The following PTPRU variants were observed in gnomAD, a reference collection of about 807,000 sequenced individuals.
The protein encoded by PTPRU is receptor-type tyrosine-protein phosphatase U.
A neutral mutation model predicts 166.3 loss-of-function variants in PTPRU; 69 were observed. That is an observed-to-expected ratio of 0.41 (90% CI 0.34 to 0.51). The LOEUF is 0.51. Ranked by LOEUF, PTPRU falls within the 20% of genes least tolerant of loss-of-function variation. The pLI is 0.09. For synonymous variants in PTPRU, 793 were observed against 814.0 expected (o/e 0.97, Z 0.44); for missense variants, 1,657 against 2,013.7 (o/e 0.82, Z 3.39).
chr1:29,275,405 C>T, intron 7 of PTPRU, 43 bp from the exon 8 acceptor site: 2 of 1,528,426 alleles, frequency 1.3e-6, no homozygotes, highest in Admixed American at 1.8e-5. Flanking sequence ...TCTTCTCTTC[C>T]CATTTCTTCT....
chr1:29,279,440 C>T lies in PTPRU; in HGVS notation c.1564-16C>T. Reference sequence around the variant, plus strand: ...TGACCATCCAGTGCCCACCTGCCTGCCAATCCTGCCCCCAGATCAGCTACC... The same window carrying T: ...TGACCATCCAGTGCCCACCTGCCTGTCAATCCTGCCCCCAGATCAGCTACC... On this transcript the variant is annotated splice_polypyrimidine_tract_variant and intron_variant, in intron 9 of 29. Coordinates refer to ENST00000373779, the MANE Select transcript of PTPRU (RefSeq NM_133178.4). The surrounding 1 kb of genome is among the most constrained non-coding windows in gnomAD (Gnocchi z 5.2). 1 of 1,612,924 alleles carries T rather than the reference C, an allele frequency of 6.2e-7. No homozygotes were observed. The highest frequency in any genetic ancestry group is 8.5e-7 in the Non-Finnish European group (1 of 1,179,002).
Position 29,313,780 on chromosome 1 carries a change from G to A in PTPRU, c.3227+1074G>A, listed in dbSNP as rs973957414. ...TGAGGTGGGAAGTTTGTTTGAGTAT[G>A]GGAGTTCCAGGTTACAGTAAACTGT... is the stretch of plus-strand genomic sequence containing the variant. On this transcript the variant is annotated intron_variant, in intron 22 of 29. Coordinates refer to ENST00000373779, the MANE Select transcript of PTPRU (RefSeq NM_133178.4). 3.4e-4 allele frequency among the ~76,000 whole-genome samples: 52 copies of A among 152,306 alleles called. No homozygotes were observed. In the Middle Eastern group the frequency reaches 0.014, roughly 40 times the overall value.
At chr1:29,284,031 C>T (rs1032653302) in intron 13 of PTPRU, 55 bp downstream of exon 13, 39 of 1,603,282 alleles carry the variant, frequency 2.4e-5, no homozygotes, top group Middle Eastern at 2.1e-4. Flanking sequence ...ACCTGCCCAG[C>T]GCTGGGGAGG....
chr1:29,289,705 T>C (rs1686532789), intron 14 of PTPRU: 1 of 1,614,014 alleles, frequency 6.2e-7, no homozygotes, highest in Non-Finnish European at 8.5e-7. Flanking sequence ...TGCCTACTCC[T>C]ACTACCCGTA....
chr1:29,287,276 A>G (rs1686398340), intron 14 of PTPRU, among the ~76,000 whole-genome samples: 1 of 152,050 alleles, frequency 6.6e-6, no homozygotes, highest in African/African-American at 2.4e-5. Flanking sequence ...GCCAGGTCAG[A>G]TCCCCTGGCT....
At chr1:29,248,717 CACTG>C (rs1314675135) in intron 1 of PTPRU, among the ~76,000 whole-genome samples, 6 of 152,162 alleles carry the variant, frequency 3.9e-5, no homozygotes, top group African/African-American at 1.4e-4. Context: ...CTTGTGTTCA[CACTG>C]ACACATACAC....
rs1448172694 is a variant in PTPRU, at chr1:29,304,916, G to A, written c.2743+67G>A. The A allele has an allele frequency of 5.6e-6, 8 of 1,437,952 alleles. No homozygotes were observed. The East Asian group carries it at 1.4e-4, about 25-fold the overall frequency. 89.1% of individuals were successfully genotyped at this position (1,437,952 alleles called of 1,614,324 possible). The stretch of plus-strand genomic sequence containing the variant: ...GGAGGGCATCAGGAGGGGGAACACA[G>A]CCAGGGTGAGCTGGGGCAGCCTCAG... On this transcript the variant is annotated intron_variant, in intron 17 of 29. Transcript: ENST00000373779.
chr1:29,315,220 G>A lies in PTPRU; in HGVS notation c.3228-152G>A, dbSNP rs370161631. 2.0e-4 allele frequency: 182 copies of A among 916,596 alleles called. No homozygotes were observed. The highest frequency in any genetic ancestry group is 3.6e-4 in the Admixed American group (15 of 42,238). The allele number at this position is 916,596 out of a possible 1,614,324, so 56.8% of individuals were successfully genotyped here. A position where few individuals can be genotyped will look rare whatever the true frequency, so the allele number is the denominator to read the frequency against. ...AGAGCTCTTCCATCCAGCAGCCTGC[G>A]TCCTGGCTCCTTACTCGGGGAGGGG... On this transcript the variant is annotated intron_variant, in intron 22 of 29. Transcript: ENST00000373779. This position sits in a 1 kb window ranked among gnomAD's most constrained non-coding sequence, Gnocchi z 4.5.
intron 17 of PTPRU, 70 bp downstream of exon 17, chr1:29,304,919 A>T: frequency 3.5e-6 from 5 of 1,432,362 alleles, no homozygotes; most frequent in Non-Finnish European, 4.8e-6. Flanking sequence ...GAACACAGCC[A>T]GGGTGAGCTG....
In PTPRU at chr1:29,317,411, G is replaced by C. The variant is rs1687947340; in HGVS notation, c.3514-337G>C. Among the ~76,000 whole-genome samples, 2 of 152,130 alleles carry C rather than the reference G, an allele frequency of 1.3e-5. No individual in the cohort carries two copies. Among genetic ancestry groups the C allele is most frequent in the Admixed American group, 6.5e-5 (1 of 15,278 alleles). On this transcript the variant is annotated intron_variant, in intron 24 of 29. Coordinates refer to ENST00000373779, the MANE Select transcript of PTPRU (RefSeq NM_133178.4). This position sits in a 1 kb window ranked among gnomAD's most constrained non-coding sequence, Gnocchi z 5.6. ...GTGTGCCGAGCTCAGCCCAGTGCTT[G>C]TCATGATCTCACTTTGGCCTCCCAG...
Position 29,304,760 on chromosome 1 carries a change from T to A in PTPRU, c.2668-14T>A. On this transcript the variant is annotated splice_polypyrimidine_tract_variant and intron_variant, in intron 16 of 29. Coordinates refer to ENST00000373779, the MANE Select transcript of PTPRU (RefSeq NM_133178.4). ...TCCCTCTCTCCCACTGACCACCACT[T>A]TTCTTTCTGGTAGAGCTTCTTTGAA... 1 of 1,602,496 alleles carries A rather than the reference T, an allele frequency of 6.2e-7. No individual in the cohort carries two copies. Among genetic ancestry groups the A allele is most frequent in the Non-Finnish European group, 8.5e-7 (1 of 1,170,828 alleles).
chr1:29,247,613 T>TTGCACCACTGCAACAC (rs1553362114), intron 1 of PTPRU, among the ~76,000 whole-genome samples: 2 of 151,998 alleles, frequency 1.3e-5, no homozygotes, highest in African/African-American at 4.8e-5. Flanking sequence ...TGTGAACTCT[T>TTGCACCACTGCAACAC]TGCACCACTG....
At chr1:29,267,256 A>G (rs1052763026) in intron 7 of PTPRU, among the ~76,000 whole-genome samples, 7 of 151,780 alleles carry the variant, frequency 4.6e-5, no homozygotes, top group African/African-American at 1.2e-4. Flanking sequence ...AATACAAAAA[A>G]CTCCAGTGTT....
chr1:29,272,889 A>G (rs1685625372), intron 7 of PTPRU, among the ~76,000 whole-genome samples: 1 of 147,240 alleles, frequency 6.8e-6, no homozygotes, highest in Non-Finnish European at 1.5e-5. Context: ...CTTGGATGAC[A>G]GAGCAAGACC....
chr1:29,292,269 G>A (rs943614806), intron 15 of PTPRU, among the ~76,000 whole-genome samples: 12 of 152,204 alleles, frequency 7.9e-5, no homozygotes, highest in African/African-American at 2.2e-4. Flanking sequence ...TGTGACAGTC[G>A]TCAAGGAGGA....
rs946229414 is a variant in PTPRU, at chr1:29,325,880, G to A, written c.*219G>A. ...GGCCAAGGAGGAGCTTAGCAAGTCTGCAGCCCAGCCCCACCTCCATAGGGT... is the reference window on the plus strand; with the variant it reads ...GGCCAAGGAGGAGCTTAGCAAGTCTACAGCCCAGCCCCACCTCCATAGGGT... On this transcript the variant is annotated 3_prime_UTR_variant, in exon 30 of 30. Coordinates refer to ENST00000373779, the MANE Select transcript of PTPRU (RefSeq NM_133178.4). The A allele has an allele frequency of 4.4e-5, 25 of 563,852 alleles. 1 individual carries two copies. The highest frequency in any genetic ancestry group is 6.1e-5 in the Non-Finnish European group (20 of 327,690). 34.9% of individuals were successfully genotyped at this position (563,852 alleles called of 1,614,324 possible). A position where few individuals can be genotyped will look rare whatever the true frequency, so the allele number is the denominator to read the frequency against.
At chr1:29,270,267 A>G (rs1685503323) in intron 7 of PTPRU, among the ~76,000 whole-genome samples, 1 of 152,038 alleles carries the variant, frequency 6.6e-6, no homozygotes, top group South Asian at 2.1e-4. Flanking sequence ...TGTAACTCTC[A>G]CATTTGCTCT....
intron 7 of PTPRU, among the ~76,000 whole-genome samples, chr1:29,270,973 A>C (rs1685534965): frequency 6.6e-6 from 1 of 152,170 alleles, no homozygotes; most frequent in African/African-American, 2.4e-5. Context: ...CAAACAAACA[A>C]AGAAAAAAAA....
At chr1:29,321,219 T>TC (rs1279674179) in intron 26 of PTPRU, among the ~76,000 whole-genome samples, 11 of 142,666 alleles carry the variant, frequency 7.7e-5, no homozygotes, top group Non-Finnish European at 1.2e-4. Flanking sequence ...TTTTTTTTTT[T>TC]CAGTAGAGAC....
Sources: allele counts gnomAD v4.1 joint callset (sites outside exome capture counted in the v4.1 genomes callset), GRCh38; gene constraint gnomAD v4.1.1; non-coding constraint Gnocchi (gnomAD v3.1); transcripts MANE v1.5; gene names NCBI Gene and HGNC (gene_info 2026-07-23, HGNC 2026-07-21).